The following TTI2 variants were observed in gnomAD, a reference collection of about 807,000 sequenced individuals.
TTI2 encodes TELO2-interacting protein 2.
TTI2 carries 26 observed loss-of-function variants against 44.9 expected under a neutral mutation model. The observed-to-expected ratio is 0.58, with a 90% confidence interval of 0.42 to 0.80. The LOEUF (loss-of-function observed/expected upper bound fraction) is 0.80, where lower values mean the gene tolerates loss of function less well. Ranked by LOEUF, TTI2 falls within the 30% of genes least tolerant of loss-of-function variation. The pLI is 0.00. For synonymous variants in TTI2, 254 were observed against 250.9 expected (o/e 1.01, Z -0.12); for missense variants, 582 against 611.6 (o/e 0.95, Z 0.51).
chr8:33,510,030 T>A (rs1167022434), intron 2 of TTI2, 98 bp from the exon 3 acceptor site: 1 of 966,796 alleles, frequency 1.0e-6, no homozygotes, highest in Non-Finnish European at 1.5e-6. Flanking sequence ...TATTTTCATG[T>A]CTTTGAAAAA....
chr8:33,503,140 A>AAAAAAAAAC (rs1563351569), intron 6 of TTI2, among the ~76,000 whole-genome samples: 2 of 145,580 alleles, frequency 1.4e-5, no homozygotes, highest in Non-Finnish European at 1.5e-5. Context: ...AAAAAAAAAA[A>AAAAAAAAAC]AAAAAAAACA....
intron 3 of TTI2, among the ~76,000 whole-genome samples, chr8:33,509,398 G>A (rs1258806448): frequency 7.0e-6 from 1 of 142,152 alleles, no homozygotes; most frequent in African/African-American, 2.6e-5. Flanking sequence ...GGAGGTTGCA[G>A]TGGGACAAGA....
chr8:33,503,539 C>T lies in TTI2; in HGVS notation c.1149G>A (p.Arg383=), dbSNP rs1459676033. 1 of 1,613,898 alleles carries T rather than the reference C, an allele frequency of 6.2e-7. No individual in the cohort carries two copies. The highest frequency in any genetic ancestry group is 1.3e-5 in the African/African-American group (1 of 74,878). The change falls in exon 6 of 8, where the codon AGG becomes AGA. Residue 383 remains arginine (R), a synonymous_variant. Coordinates refer to ENST00000431156, the MANE Select transcript of TTI2 (RefSeq NM_001102401.4). ...LGILTVRHLK[R]LERVIIGYLE... ...GATAACCAATGATGACTCTCTCCAG[C>T]CTCTTTAAGTGCCGGACAGTTAGGA...
chr8:33,508,664 G>A (rs568641260), intron 3 of TTI2, among the ~76,000 whole-genome samples: 1 of 149,494 alleles, frequency 6.7e-6, no homozygotes, highest in Admixed American at 6.7e-5. Context: ...GGTTGGAGGT[G>A]ATCTCTGGCT....
chr8:33,501,652 AAAC>A (rs1274821080), intron 6 of TTI2, among the ~76,000 whole-genome samples: 1 of 152,226 alleles, frequency 6.6e-6, no homozygotes, highest in East Asian at 1.9e-4. Flanking sequence ...GAAAGATAGT[AAAC>A]AAATGCAACC....
chr8:33,504,005 T>C, intron 4 of TTI2, 70 bp from the exon 5 acceptor site: 1 of 1,503,538 alleles, frequency 6.7e-7, no homozygotes, highest in Non-Finnish European at 9.2e-7. Context: ...CTGACTTCTC[T>C]AGAACTTCAT....
intron 6 of TTI2, among the ~76,000 whole-genome samples, chr8:33,502,031 C>T (rs1190706953): frequency 1.3e-5 from 2 of 152,126 alleles, no homozygotes; most frequent in Non-Finnish European, 2.9e-5. Flanking sequence ...GCAACCTCTG[C>T]CTCCTGGGTC....
Position 33,512,036 on chromosome 8 carries a change from T to G in TTI2, c.578A>C (p.His193Pro), listed in dbSNP as rs1274164834. 6.2e-7 allele frequency: 1 copy of G among 1,614,180 alleles called. No individual in the cohort carries two copies. The highest frequency in any genetic ancestry group is 2.2e-5 in the East Asian group (1 of 44,880). Residue 193 changes from histidine to proline, a missense_variant, in exon 2 of 8, where the codon CAT becomes CCT. Coordinates refer to ENST00000431156, the MANE Select transcript of TTI2 (RefSeq NM_001102401.4). Reference protein sequence around the residue: ...TECGSVAGFLHGENEDEKGRL... With the variant: ...TECGSVAGFLPGENEDEKGRL... ...CCCTTTCTCATCTTCATTTTCTCCA[T>G]GTAGGAATCCTGCCACAGAACCGCA...
In TTI2 at chr8:33,499,238, T is replaced by C. The variant is rs1485387148; in HGVS notation, c.1462A>G (p.Lys488Glu). The C allele has an allele frequency of 1.2e-6, 2 of 1,614,034 alleles. No individual in the cohort carries two copies. The highest frequency in any genetic ancestry group is 1.7e-6 in the Non-Finnish European group (2 of 1,180,010). The change falls in exon 8 of 8, where the codon AAA becomes GAA. Residue 488 changes from lysine (K) to glutamate (E), a missense_variant. Lys to Glu is a moderately conservative substitution (Grantham distance 56). Transcript: ENST00000431156. ...AKIPQSCEDR[K>E]VVNYIRKVQQ... ...ACTTTTCTGATATAGTTCACCACTTTTCTGTCTTCACAGCTTTGGGGAATT... is the reference window on the plus strand; with the variant it reads ...ACTTTTCTGATATAGTTCACCACTTCTCTGTCTTCACAGCTTTGGGGAATT...
intron 3 of TTI2, among the ~76,000 whole-genome samples, chr8:33,508,087 TAAAA>T (rs58891946): frequency 0.025 from 487 of 19,416 alleles, 4 homozygotes; most frequent in African/African-American, 0.086. Flanking sequence ...CTAGCGGTAG[TAAAA>T]AAAAAAAAAA....
intron 6 of TTI2, among the ~76,000 whole-genome samples, chr8:33,502,754 A>G (rs1410278373): frequency 2.6e-5 from 4 of 152,168 alleles, no homozygotes; most frequent in African/African-American, 4.8e-5. Context: ...TGAATCCAGG[A>G]GGCAGAGGTT....
chr8:33,505,490 T>TA (rs1809261847), intron 4 of TTI2, among the ~76,000 whole-genome samples: 3 of 151,306 alleles, frequency 2.0e-5, no homozygotes, highest in Non-Finnish European at 4.4e-5. Context: ...TGCACCTTTT[T>TA]TTTTTCTTTT....
Position 33,507,306 on chromosome 8 carries a change from G to T in TTI2, c.850C>A (p.Leu284Ile). The part of the protein sequence containing the change: ...IVLNVPAADL[L>I]QYNRAQVLYH... The stretch of plus-strand genomic sequence containing the variant: ...AGGACCTGGGCTCTGTTATACTGGA[G>T]CAAATCAGCAGCTGGCTGCAACCAG... The change falls in exon 4 of 8, where the codon CTC (leucine) becomes ATC (isoleucine). Residue 284 changes from leucine (L) to isoleucine (I), a missense_variant. Coordinates refer to ENST00000431156, the MANE Select transcript of TTI2 (RefSeq NM_001102401.4). 1 of 1,614,144 alleles carries T rather than the reference G, an allele frequency of 6.2e-7. No individual in the cohort carries two copies. Among genetic ancestry groups the T allele is most frequent in the Non-Finnish European group, 8.5e-7 (1 of 1,179,994 alleles).
chr8:33,509,381 A>G (rs1257628592), intron 3 of TTI2, among the ~76,000 whole-genome samples: 2 of 148,976 alleles, frequency 1.3e-5, no homozygotes. Flanking sequence ...GCTTAAACCT[A>G]AGAGGTGGAG....
intron 2 of TTI2, 46 bp from the exon 3 acceptor site, chr8:33,509,978 GCAA>G: frequency 7.2e-5 from 19 of 265,200 alleles, no homozygotes; most frequent in Admixed American, 1.0e-4. Context: ...GTGATAAGTA[GCAA>G]AAAAAAAAAA....
chr8:33,512,083 G>A lies in TTI2; in HGVS notation c.531C>T (p.Thr177=), dbSNP rs376553205. The change falls in exon 2 of 8, where the codon ACC becomes ACT. Residue 177 remains threonine (T), a synonymous_variant. Coordinates refer to ENST00000431156, the MANE Select transcript of TTI2 (RefSeq NM_001102401.4). ...RSREVAREVL[T]SLLQVTECGS... ...CGCATTCAGTAACTTGAAGCAGTGA[G>A]GTGAGCACCTCCCTAGCAACTTCCC... 2.5e-6 allele frequency: 4 copies of A among 1,614,032 alleles called. No homozygotes were observed. The South Asian group carries it at 3.3e-5, about 13-fold the overall frequency.
intron 6 of TTI2, 98 bp downstream of exon 6, chr8:33,503,331 A>C: frequency 1.3e-6 from 2 of 1,515,492 alleles, no homozygotes; most frequent in Non-Finnish European, 1.8e-6. Flanking sequence ...TCAAATACAT[A>C]GTATACATTT....
intron 2 of TTI2, among the ~76,000 whole-genome samples, chr8:33,510,460 T>C (rs936080777): frequency 1.3e-5 from 2 of 152,172 alleles, no homozygotes; most frequent in African/African-American, 4.8e-5. Context: ...CACTGCAACC[T>C]CCGCCTCCCA....
intron 7 of TTI2, 22 bp from the exon 8 acceptor site, chr8:33,499,299 G>C: frequency 6.4e-7 from 1 of 1,558,448 alleles, no homozygotes; most frequent in Non-Finnish European, 8.8e-7. Context: ...AACCAAACAG[G>C]CTTTGATATT....
Sources: gnomAD v4.1 joint callset for allele counts (sites outside exome capture counted in the v4.1 genomes callset) on GRCh38, gnomAD v4.1.1 for gene constraint, MANE v1.5 for transcripts, NCBI Gene and HGNC (gene_info 2026-07-23, HGNC 2026-07-21) for gene names.